Variants in JPH1 observed in about 807,000 individuals in gnomAD.
The protein encoded by JPH1 is junctophilin 1.
Under a neutral mutation model 53.6 loss-of-function variants are expected in JPH1, and 12 were observed. The ratio of observed to expected loss-of-function variants is 0.22; its 90% CI spans 0.14 to 0.36. The LOEUF (loss-of-function observed/expected upper bound fraction) is 0.36, where lower values mean the gene tolerates loss of function less well. JPH1 is among the 10% of genes least tolerant of loss of function. The pLI, the probability that JPH1 is intolerant of heterozygous loss-of-function variation, is 1.00. For missense variants in JPH1, 808 were observed against 905.5 expected, an observed-to-expected ratio of 0.89 and a Z score of 1.38; for synonymous variants, 375 against 363.8, an observed-to-expected ratio of 1.03 and a Z score of -0.35.
At chr8:74,287,982 C>T (rs957734999) in intron 2 of JPH1, among the ~76,000 whole-genome samples, 6 of 151,292 alleles carry the variant, frequency 4.0e-5, no homozygotes, top group African/African-American at 1.5e-4. Context: ...AGCTAGAAAA[C>T]CCTTGACAAC....
rs1325734397 is a variant in JPH1, at chr8:74,315,941, T to G, written c.380-321A>C. ...GGGAAACAACATTCTCCTCTGAAAT[T>G]AATGCATCAAAAATTCCTCTTGGGA... On this transcript the variant is annotated intron_variant, in intron 1 of 5. Coordinates refer to ENST00000342232, the MANE Select transcript of JPH1 (RefSeq NM_020647.4). This position sits in a 1 kb window ranked among gnomAD's most constrained non-coding sequence, Gnocchi z 6.3. 6.6e-6 allele frequency among the ~76,000 whole-genome samples: 1 copy of G among 152,216 alleles called. No homozygotes were observed. Among genetic ancestry groups the G allele is most frequent in the East Asian group, 1.9e-4 (1 of 5,198 alleles).
chr8:74,320,814 A>T lies in JPH1; in HGVS notation c.379+95T>A. The T allele has an allele frequency of 7.4e-7, 1 of 1,350,772 alleles. No homozygotes were observed. Among genetic ancestry groups the T allele is most frequent in the Non-Finnish European group, 9.6e-7 (1 of 1,041,720 alleles). 83.7% of individuals were successfully genotyped at this position (1,350,772 alleles called of 1,614,324 possible). On this transcript the variant is annotated intron_variant, in intron 1 of 5. Coordinates refer to ENST00000342232, the MANE Select transcript of JPH1 (RefSeq NM_020647.4). The surrounding 1 kb of genome is among the most constrained non-coding windows in gnomAD (Gnocchi z 4.4). Reference sequence around the variant, plus strand: ...CAGGTGTTTTGGCGGGTTTCCGGACACGTGCGCCCGGCGTCCTCCCCGCTT... The same window carrying T: ...CAGGTGTTTTGGCGGGTTTCCGGACTCGTGCGCCCGGCGTCCTCCCCGCTT...
At chr8:74,254,506 C>T (rs1227391420) in intron 3 of JPH1, among the ~76,000 whole-genome samples, 2 of 152,036 alleles carry the variant, frequency 1.3e-5, no homozygotes, top group Admixed American at 1.3e-4. Flanking sequence ...CCCTCTCTCA[C>T]CACTCCTATT....
intron 2 of JPH1, among the ~76,000 whole-genome samples, chr8:74,293,894 C>T (rs899900679): frequency 4.6e-5 from 7 of 152,090 alleles, no homozygotes; most frequent in South Asian, 2.1e-4. Flanking sequence ...ACAAAGACAC[C>T]GGGGGCCAAT....
intron 2 of JPH1, among the ~76,000 whole-genome samples, chr8:74,262,872 A>G (rs1228928041): frequency 1.3e-5 from 2 of 152,124 alleles, no homozygotes; most frequent in Non-Finnish European, 2.9e-5. Context: ...GCAACAATAA[A>G]TGGGGAATTT....
At chr8:74,300,145 A>G (rs1412576875) in intron 2 of JPH1, among the ~76,000 whole-genome samples, 1 of 152,234 alleles carries the variant, frequency 6.6e-6, no homozygotes, top group Non-Finnish European at 1.5e-5. Context: ...GTACCATGAA[A>G]AACAACAAAA....
intron 2 of JPH1, among the ~76,000 whole-genome samples, chr8:74,300,537 T>C (rs987253354): frequency 2.2e-4 from 34 of 152,210 alleles, no homozygotes; most frequent in African/African-American, 7.2e-4. Context: ...GTGCGTGGAA[T>C]GTTTACTGCT....
chr8:74,278,992 C>T (rs1309592895), intron 2 of JPH1, among the ~76,000 whole-genome samples: 1 of 63,946 alleles, frequency 1.6e-5, no homozygotes, highest in Non-Finnish European at 3.2e-5. Flanking sequence ...CACGCGCGCA[C>T]ACACACACAC....
chr8:74,275,734 C>T (rs759584357), intron 2 of JPH1, among the ~76,000 whole-genome samples: 24 of 152,144 alleles, frequency 1.6e-4, no homozygotes, highest in Non-Finnish European at 1.3e-4. Context: ...GGGAGCATAA[C>T]GTCCTTAAAG....
At chr8:74,297,581 A>C (rs1807557214) in intron 2 of JPH1, among the ~76,000 whole-genome samples, 1 of 152,220 alleles carries the variant, frequency 6.6e-6, no homozygotes, top group Non-Finnish European at 1.5e-5. Context: ...GTACAGCCCC[A>C]GACCACTGCA....
chr8:74,280,127 A>C (rs1017526041), intron 2 of JPH1, among the ~76,000 whole-genome samples: 1 of 152,256 alleles, frequency 6.6e-6, no homozygotes, highest in African/African-American at 2.4e-5. Flanking sequence ...TGAAATCTGT[A>C]GTAAGTAAAA....
rs1807004662 is a variant in JPH1, at chr8:74,236,598, C to T, written c.*453G>A. On this transcript the variant is annotated 3_prime_UTR_variant, in exon 6 of 6. Coordinates refer to ENST00000342232, the MANE Select transcript of JPH1 (RefSeq NM_020647.4). ...ACCGCATTCCTCGGGCAGTCGTTTCCCCAGCTCCCTACTAAAAACGTCAGA... is the reference window on the plus strand; with the variant it reads ...ACCGCATTCCTCGGGCAGTCGTTTCTCCAGCTCCCTACTAAAAACGTCAGA... 1 of 152,150 alleles carries T rather than the reference C, an allele frequency of 6.6e-6. No individual in the cohort carries two copies. Among genetic ancestry groups the T allele is most frequent in the Admixed American group, 6.6e-5 (1 of 15,218 alleles). The allele number at this position is 152,150 out of a possible 1,614,324, so 9.4% of individuals were successfully genotyped here.
intron 2 of JPH1, among the ~76,000 whole-genome samples, chr8:74,305,217 G>GGT: frequency 6.6e-6 from 1 of 152,370 alleles, no homozygotes; most frequent in Admixed American, 6.5e-5. Flanking sequence ...CTTGAGTAAA[G>GGT]TGAGATTGGC....
intron 2 of JPH1, among the ~76,000 whole-genome samples, chr8:74,305,817 A>C (rs1480805455): frequency 6.6e-6 from 1 of 152,218 alleles, no homozygotes; most frequent in Non-Finnish European, 1.5e-5. Flanking sequence ...TTTTAAAACC[A>C]TGTTTTTTAA....
At chr8:74,245,804 T>C (rs539070789) in intron 3 of JPH1, among the ~76,000 whole-genome samples, 12 of 152,100 alleles carry the variant, frequency 7.9e-5, no homozygotes, top group Admixed American at 2.0e-4. Context: ...ATTTTTTTTT[T>C]CCTTTTTTAT....
At chr8:74,292,435 C>T (rs1034425636) in intron 2 of JPH1, among the ~76,000 whole-genome samples, 13 of 152,176 alleles carry the variant, frequency 8.5e-5, no homozygotes, top group African/African-American at 2.2e-4. Context: ...ATACACACTG[C>T]GGAGGGGTCT....
rs190050126 is a variant in JPH1 at position 74,306,770 on chromosome 8, T to A, written c.1139+8091A>T. Among the ~76,000 whole-genome samples the A allele has an allele frequency of 4.6e-5, 7 of 152,112 alleles. No individual in the cohort carries two copies. The East Asian group carries it at 1.4e-3, about 30-fold the overall frequency. The stretch of plus-strand genomic sequence containing the variant: ...CGCCACGATGCCTGGCTAATTTTTG[T>A]AATTTTAGTAGAGATGGGGTTTCAC... On this transcript the variant is annotated intron_variant, in intron 2 of 5. Coordinates refer to ENST00000342232, the MANE Select transcript of JPH1 (RefSeq NM_020647.4).
At chr8:74,248,627 C>T (rs1032036884) in intron 3 of JPH1, among the ~76,000 whole-genome samples, 1 of 152,176 alleles carries the variant, frequency 6.6e-6, no homozygotes, top group Admixed American at 6.5e-5. Context: ...TCCAACGTGG[C>T]ACAGTCATAC....
intron 4 of JPH1, among the ~76,000 whole-genome samples, chr8:74,243,822 C>G (rs1805767117): frequency 6.6e-6 from 1 of 152,184 alleles, no homozygotes; most frequent in Non-Finnish European, 1.5e-5. Flanking sequence ...CAGAGCTTTT[C>G]TGGCTGAATA....
Sources: gnomAD v4.1 joint callset for allele counts (sites outside exome capture counted in the v4.1 genomes callset) on GRCh38, gnomAD v4.1.1 for gene constraint, Gnocchi (gnomAD v3.1) non-coding constraint, MANE v1.5 for transcripts, NCBI Gene and HGNC (gene_info 2026-07-23, HGNC 2026-07-21) for gene names.